The following XAGE2 variants were observed in gnomAD, a reference collection of about 807,000 sequenced individuals.
XAGE2 encodes X antigen family member 2.
A neutral mutation model predicts 9.9 loss-of-function variants in XAGE2; 7 were observed. That is an observed-to-expected ratio of 0.71 (90% CI 0.40 to 1.32). The LOEUF (loss-of-function observed/expected upper bound fraction) is 1.32, where lower values mean the gene tolerates loss of function less well. XAGE2 is among the 40% of genes most tolerant of loss of function. The probability of loss-of-function intolerance (pLI) is 0.01; values close to 1 mark genes in which losing one functional copy is unlikely to be tolerated. For synonymous variants in XAGE2, 31 were observed against 26.8 expected (o/e 1.16, Z -0.48); for missense variants, 85 against 81.0 (o/e 1.05, Z -0.19).
At chrX:52,372,808 C>A in intron 4 of XAGE2, 139 bp downstream of exon 4, 1 of 846,698 alleles carries the variant, frequency 1.2e-6, no homozygotes, top group Non-Finnish European at 1.7e-6. Flanking sequence ...TACTTCAGAT[C>A]CCAATGCCTG....
rs1921233589 is a variant in XAGE2, at chrX:52,373,125, A to C, written c.313+456A>C. Among the ~76,000 whole-genome samples, 2 of 112,480 alleles carry C rather than the reference A, an allele frequency of 1.8e-5. 1 individual carries two copies. The highest frequency in any genetic ancestry group is 7.4e-4 in the South Asian group (2 of 2,692). ...AAAATGGTGAATGCAGATCAAATGT[A>C]TTAAAATCCGTTTCAATGCTGATTT... is the stretch of plus-strand genomic sequence containing the variant. On this transcript the variant is annotated intron_variant, in intron 4 of 4. Transcript: ENST00000286049.
chrX:52,371,889 T>C (rs1425648161), intron 3 of XAGE2, among the ~76,000 whole-genome samples: 1 of 112,154 alleles, frequency 8.9e-6, no homozygotes, highest in Non-Finnish European at 1.9e-5. Flanking sequence ...AGCCCAGGAA[T>C]ACATTGATCT....
At chrX:52,372,270 G>A (rs1459949853) in intron 3 of XAGE2, among the ~76,000 whole-genome samples, 1 of 110,289 alleles carries the variant, frequency 9.1e-6, no homozygotes, top group Non-Finnish European at 1.9e-5. Flanking sequence ...TGAGACAGGG[G>A]GATAACTTGA....
In XAGE2 at chrX:52,370,026, A is replaced by G. The variant is rs1921150746; in HGVS notation, c.12A>G (p.Arg4=). Residue 4 remains arginine, a synonymous_variant, in exon 2 of 5, where the codon CGA becomes CGG. Transcript: ENST00000286049. ...TTGCAGAGTGAAATATGAGTTGGCG[A>G]GGAAGATCAACATATAGGCCTAGGC... MSW[R]GRSTYRPRPR... is the part of the protein sequence containing the mutation. The G allele has an allele frequency of 2.5e-6, 3 of 1,212,286 alleles. No homozygotes were observed. The highest frequency in any genetic ancestry group is 3.4e-6 in the Non-Finnish European group (3 of 895,405).
At chrX:52,370,955 T>C (rs1004963569) in intron 3 of XAGE2, among the ~76,000 whole-genome samples, 1 of 112,210 alleles carries the variant, frequency 8.9e-6, no homozygotes, top group Non-Finnish European at 1.9e-5. Context: ...AAAATGTACA[T>C]TATTTCACTT....
At chrX:52,370,698 C>T in intron 3 of XAGE2, 26 bp downstream of exon 3, 2 of 1,174,681 alleles carry the variant, frequency 1.7e-6, no homozygotes. Context: ...AGAAATAATG[C>T]CTATAGGGGG....
rs1921151754 is a variant in XAGE2, at chrX:52,370,045, C to T, written c.31C>T (p.Pro11Ser). MSWRGRSTYR[P>S]RPRRSLQPPE... ...TTGGCGAGGAAGATCAACATATAGG[C>T]CTAGGCCAAGAAGAAGTTTACAGCC... The change falls in exon 2 of 5, where the codon CCT becomes TCT. Residue 11 changes from proline (P) to serine (S), a missense_variant. Physicochemically the swap from Pro to Ser is moderately conservative, Grantham distance 74 (BLOSUM62 -1). Transcript: ENST00000286049. The T allele has an allele frequency of 9.1e-6, 11 of 1,211,070 alleles. No homozygotes were observed. In the South Asian group the frequency reaches 1.6e-4, roughly 17 times the overall value.
At chrX:52,370,371 G>C (rs1052945113) in intron 2 of XAGE2, among the ~76,000 whole-genome samples, 196 bp from the exon 3 acceptor site, 8 of 112,322 alleles carry the variant, frequency 7.1e-5, no homozygotes, top group Non-Finnish European at 1.5e-4. Flanking sequence ...AAGCCTTTGA[G>C]GGTAACTGTC....
chrX:52,374,854 G>A (rs1304941585), intron 4 of XAGE2, among the ~76,000 whole-genome samples: 1 of 110,630 alleles, frequency 9.0e-6, no homozygotes, highest in African/African-American at 3.3e-5. Context: ...TAAAAGTAAT[G>A]CGATCATATA....
At chrX:52,375,471 A>G (rs972053414) in intron 4 of XAGE2, 98 bp from the exon 5 acceptor site, 1 of 903,653 alleles carries the variant, frequency 1.1e-6, no homozygotes, top group Non-Finnish European at 1.6e-6. Context: ...GTCTTAGTCC[A>G]CTGTACGAAA....
At chrX:52,372,799 A>G in intron 4 of XAGE2, 130 bp downstream of exon 4, 1 of 908,171 alleles carries the variant, frequency 1.1e-6, no homozygotes, top group Non-Finnish European at 1.6e-6. Flanking sequence ...TTTGAAAGGT[A>G]CTTCAGATCC....
intron 3 of XAGE2, among the ~76,000 whole-genome samples, 153 bp downstream of exon 3, chrX:52,370,825 G>A (rs1921171811): frequency 8.9e-6 from 1 of 112,155 alleles, no homozygotes. Flanking sequence ...GAAGAGTATA[G>A]TTTGCAGCTT....
At chrX:52,373,179 T>C (rs1214339109) in intron 4 of XAGE2, among the ~76,000 whole-genome samples, 1 of 112,287 alleles carries the variant, frequency 8.9e-6, no homozygotes, top group African/African-American at 3.2e-5. Context: ...TTGGAGAGAA[T>C]AGAAAGATAT....
In XAGE2 at chrX:52,370,648, G is replaced by A. The variant is rs991503247; in HGVS notation, c.163G>A (p.Asp55Asn). ...NPTPDQKRED[D>N]QGAAEIQVPD... ...TACACCTGATCAGAAGAGAGAAGAT[G>A]ATCAGGGTGCAGCTGAGATTCAAGG... Residue 55 changes from aspartate to asparagine, a missense_variant, in exon 3 of 5, where the codon GAT (aspartate) becomes AAT (asparagine). Transcript: ENST00000286049. 3 of 1,211,194 alleles carry A rather than the reference G, an allele frequency of 2.5e-6. No homozygotes were observed. The Admixed American group carries it at 6.5e-5, about 26-fold the overall frequency.
intron 3 of XAGE2, among the ~76,000 whole-genome samples, chrX:52,371,641 C>T (rs1251718951): frequency 9.0e-6 from 1 of 111,531 alleles, no homozygotes. Flanking sequence ...AAGAGGTTTC[C>T]AGAATATGAC....
chrX:52,370,691 A>G lies in XAGE2; in HGVS notation c.187+19A>G. The stretch of plus-strand genomic sequence containing the variant: ...ATTCAAGGTGCTGGGAAAGGAAAGA[A>G]ATAATGCCTATAGGGGGAAGGAGGC... On this transcript the variant is annotated intron_variant, in intron 3 of 4. Coordinates refer to ENST00000286049, the MANE Select transcript of XAGE2 (RefSeq NM_130777.3). The G allele has an allele frequency of 8.4e-7, 1 of 1,187,302 alleles. No homozygotes were observed. The highest frequency in any genetic ancestry group is 1.8e-5 in the African/African-American group (1 of 57,091).
intron 1 of XAGE2, 43 bp from the exon 2 acceptor site, chrX:52,369,964 T>C: frequency 8.6e-7 from 1 of 1,161,071 alleles, no homozygotes; most frequent in African/African-American, 1.8e-5. Flanking sequence ...AATACAGCTA[T>C]CCTCTCAAAC....
At chrX:52,374,625 GTAGTACCTGAA>G (rs1436122233) in intron 4 of XAGE2, among the ~76,000 whole-genome samples, 1 of 111,953 alleles carries the variant, frequency 8.9e-6, no homozygotes, top group Non-Finnish European at 1.9e-5. Context: ...ATATATCCCA[GTAGTACCTGAA>G]TATCTATTCA....
Position 52,370,087 on chromosome X carries a change from G to GATAGC in XAGE2, c.73_74insATAGC (p.Ala25AspfsTer93). 1 of 1,211,321 alleles carries GATAGC rather than the reference G, an allele frequency of 8.3e-7. No homozygotes were observed. The highest frequency in any genetic ancestry group is 1.1e-6 in the Non-Finnish European group (1 of 895,054). On this transcript the variant is annotated frameshift_variant, in exon 2 of 5. Coordinates refer to ENST00000286049, the MANE Select transcript of XAGE2 (RefSeq NM_130777.3). LOFTEE classifies it high-confidence loss of function. Reference sequence around the variant, plus strand: ...TTTACAGCCTCCTGAGCTGATTGGGGCTATGCTTGTGAGTGCTTTAATATT... The same window carrying GATAGC: ...TTTACAGCCTCCTGAGCTGATTGGGGATAGCCTATGCTTGTGAGTGCTTTAATATT...
Sources: gnomAD v4.1 joint callset for allele counts (sites outside exome capture counted in the v4.1 genomes callset) on GRCh38, gnomAD v4.1.1 for gene constraint, MANE v1.5 for transcripts, NCBI Gene and HGNC (gene_info 2026-07-23, HGNC 2026-07-21) for gene names.